The following DEFB123 variants were observed in gnomAD, a reference collection of about 807,000 sequenced individuals.
The protein encoded by DEFB123 is defensin beta 123, also known as beta-defensin 123.
For missense variants in DEFB123, 71 were observed against 75.0 expected (o/e 0.95, Z 0.20); for synonymous variants, 22 against 28.3 (o/e 0.78, Z 0.71).
intron 1 of DEFB123, 85 bp downstream of exon 1, chr20:31,440,841 C>A: frequency 6.5e-7 from 1 of 1,543,774 alleles, no homozygotes; most frequent in African/African-American, 1.4e-5. Context: ...GGATGGGCTG[C>A]AGGTTGTCAT....
At chr20:31,444,913 C>T (rs73116224) in intron 1 of DEFB123, among the ~76,000 whole-genome samples, 12,270 of 152,100 alleles carry the variant, frequency 0.081, 590 homozygotes, top group Non-Finnish European at 0.11. Context: ...CTTTGCATTC[C>T]TTTACAGTCT....
chr20:31,448,072 C>T (rs910680390), intron 1 of DEFB123, among the ~76,000 whole-genome samples: 3 of 152,030 alleles, frequency 2.0e-5, no homozygotes, highest in African/African-American at 7.2e-5. Context: ...AGGCGTGAGC[C>T]ACCACGTCTG....
At chr20:31,441,747 C>A (rs1420192383) in intron 1 of DEFB123, among the ~76,000 whole-genome samples, 1 of 152,100 alleles carries the variant, frequency 6.6e-6, no homozygotes, top group Non-Finnish European at 1.5e-5. Context: ...ACAAGCTGAC[C>A]TCCGTCCTTG....
At chr20:31,446,635 C>T (rs1979591650) in intron 1 of DEFB123, among the ~76,000 whole-genome samples, 1 of 152,126 alleles carries the variant, frequency 6.6e-6, no homozygotes, top group Non-Finnish European at 1.5e-5. Flanking sequence ...GTTCCTGCAC[C>T]AGGTCTTGAA....
At chr20:31,447,105 A>G (rs1383124824) in intron 1 of DEFB123, among the ~76,000 whole-genome samples, 1 of 151,970 alleles carries the variant, frequency 6.6e-6, no homozygotes, top group East Asian at 1.9e-4. Context: ...TCTACTAAAA[A>G]TACAGAATTA....
chr20:31,448,448 C>A (rs1247227837), intron 1 of DEFB123, among the ~76,000 whole-genome samples: 2 of 147,690 alleles, frequency 1.4e-5, no homozygotes, highest in Non-Finnish European at 3.0e-5. Context: ...CTTTTCCTGC[C>A]CCTCCCCTCT....
rs1336146569 is a variant in DEFB123, at chr20:31,447,741, CT to C, written c.59-2287del. Among the ~76,000 whole-genome samples the C allele has an allele frequency of 4.7e-5, 7 of 147,532 alleles. No homozygotes were observed. In the East Asian group the frequency reaches 1.4e-3, roughly 29 times the overall value. Reference sequence around the variant, plus strand: ...AAGTGATCCTCCCACCTCAGCCTCCCTAGTAGCTGGGACTACAGGTGCACAC... The same window carrying C: ...AAGTGATCCTCCCACCTCAGCCTCCCAGTAGCTGGGACTACAGGTGCACAC... On this transcript the variant is annotated intron_variant, in intron 1 of 1. Coordinates refer to ENST00000376309, the MANE Select transcript of DEFB123 (RefSeq NM_153324.4).
intron 1 of DEFB123, among the ~76,000 whole-genome samples, chr20:31,446,932 G>A (rs1979600068): frequency 6.7e-6 from 1 of 148,960 alleles, no homozygotes; most frequent in African/African-American, 2.5e-5. Flanking sequence ...GGGCGACAGA[G>A]TGAGACTCCA....
intron 1 of DEFB123, among the ~76,000 whole-genome samples, chr20:31,448,878 A>G (rs981982651): frequency 8.3e-6 from 1 of 119,980 alleles, no homozygotes; most frequent in Non-Finnish European, 1.7e-5. Context: ...CGCCCAGCTA[A>G]TTTTTTTTTT....
chr20:31,446,187 T>C (rs1979581463), intron 1 of DEFB123, among the ~76,000 whole-genome samples: 1 of 152,184 alleles, frequency 6.6e-6, no homozygotes, highest in Admixed American at 6.5e-5. Context: ...TACTGTAGGA[T>C]GACAGAAAAG....
At chr20:31,447,129 G>A (rs1338064384) in intron 1 of DEFB123, among the ~76,000 whole-genome samples, 5 of 151,846 alleles carry the variant, frequency 3.3e-5, no homozygotes, top group Non-Finnish European at 7.4e-5. Flanking sequence ...AGGCGTGGTG[G>A]CGCATGCCTG....
chr20:31,445,551 T>C (rs749742214), intron 1 of DEFB123, among the ~76,000 whole-genome samples: 4 of 152,058 alleles, frequency 2.6e-5, no homozygotes, highest in Non-Finnish European at 5.9e-5. Context: ...TTTTTTGTTC[T>C]TTAGTTTGGA....
chr20:31,441,374 T>C (rs770835916), intron 1 of DEFB123, among the ~76,000 whole-genome samples: 8 of 150,858 alleles, frequency 5.3e-5, no homozygotes, highest in Non-Finnish European at 1.0e-4. Context: ...GAGTCGAAAA[T>C]AGAAAAGGAA....
chr20:31,440,718 CT>C lies in DEFB123; in HGVS notation c.23del (p.Leu8Ter), dbSNP rs751464723. 9 of 1,613,824 alleles carry C rather than the reference CT, an allele frequency of 5.6e-6. No homozygotes were observed. The highest frequency in any genetic ancestry group is 5.9e-6 in the Non-Finnish European group (7 of 1,180,022). On this transcript the variant is annotated frameshift_variant, in exon 1 of 2. Coordinates refer to ENST00000376309, the MANE Select transcript of DEFB123 (RefSeq NM_153324.4). LOFTEE classifies it low-confidence loss of function (END_TRUNC). ...TTAGCCATGAAGCTCCTTTTGCTGACTTTGACTGTGCTGCTGCTCTTATCCC... is the reference window on the plus strand; with the variant it reads ...TTAGCCATGAAGCTCCTTTTGCTGACTTGACTGTGCTGCTGCTCTTATCCC... MKLLLL[T>X]LTVLLLLSQL...
intron 1 of DEFB123, among the ~76,000 whole-genome samples, chr20:31,445,391 A>G (rs1449510748): frequency 6.6e-6 from 1 of 152,220 alleles, no homozygotes; most frequent in Non-Finnish European, 1.5e-5. Context: ...AGTCATATGA[A>G]AAAGATACTC....
At chr20:31,447,291 A>G (rs531663886) in intron 1 of DEFB123, among the ~76,000 whole-genome samples, 1 of 152,156 alleles carries the variant, frequency 6.6e-6, no homozygotes, top group South Asian at 2.1e-4. Context: ...AAATAAAAAT[A>G]AATAAATGTT....
At chr20:31,445,696 C>T (rs1360784166) in intron 1 of DEFB123, among the ~76,000 whole-genome samples, 12 of 152,098 alleles carry the variant, frequency 7.9e-5, no homozygotes, top group African/African-American at 2.4e-4. Context: ...CACGCCACCA[C>T]GCCTGCCTAA....
chr20:31,441,052 C>A (rs1382358233), intron 1 of DEFB123, among the ~76,000 whole-genome samples: 4 of 152,144 alleles, frequency 2.6e-5, no homozygotes, highest in African/African-American at 9.7e-5. Context: ...AGAGGAGAGG[C>A]AGGTATGGCC....
At chr20:31,444,735 A>G (rs558307427) in intron 1 of DEFB123, among the ~76,000 whole-genome samples, 6 of 152,318 alleles carry the variant, frequency 3.9e-5, no homozygotes, top group African/African-American at 1.4e-4. Flanking sequence ...CACATAATAC[A>G]AGTGTGCAGC....
Sources: gnomAD v4.1 joint callset for allele counts (sites outside exome capture counted in the v4.1 genomes callset) on GRCh38, gnomAD v4.1.1 for gene constraint, MANE v1.5 for transcripts, NCBI Gene and HGNC (gene_info 2026-07-23, HGNC 2026-07-21) for gene names.